Variants in PCLO observed in about 807,000 individuals in gnomAD.
PCLO encodes protein piccolo.
A neutral mutation model predicts 427.5 loss-of-function variants in PCLO; 82 were observed. The ratio of observed to expected loss-of-function variants is 0.19; its 90% CI spans 0.16 to 0.23. The LOEUF (loss-of-function observed/expected upper bound fraction) is 0.23. Ranked by LOEUF, PCLO falls within the 10% of genes least tolerant of loss-of-function variation. The probability of loss-of-function intolerance (pLI) is 1.00; values close to 1 mark genes in which losing one functional copy is unlikely to be tolerated. For missense variants in PCLO, 6,239 were observed against 6,115.9 expected (o/e 1.02, Z -0.67); for synonymous variants, 2,357 against 2,155.4 (o/e 1.09, Z -2.59).
intron 10 of PCLO, among the ~76,000 whole-genome samples, chr7:82,867,516 T>C (rs1204307540): frequency 1.3e-5 from 2 of 152,136 alleles, no homozygotes; most frequent in African/African-American, 4.8e-5. Flanking sequence ...GTGGAAGATC[T>C]GGTATGGATA....
intron 10 of PCLO, among the ~76,000 whole-genome samples, chr7:82,855,432 C>T (rs1314701622): frequency 6.6e-6 from 1 of 152,136 alleles, no homozygotes; most frequent in Non-Finnish European, 1.5e-5. Context: ...ACTAAGCCTA[C>T]ATGCTAGCCT....
At chr7:83,057,348 ATTTTTTTTTTT>A (rs1199445166) in intron 3 of PCLO, among the ~76,000 whole-genome samples, 2 of 19,626 alleles carry the variant, frequency 1.0e-4, no homozygotes, top group African/African-American at 3.4e-4. Context: ...ATATATATAT[ATTTTTTTTTTT>A]TTTTTTTTTT....
At chr7:82,940,567 C>G (rs988963931) in intron 6 of PCLO, among the ~76,000 whole-genome samples, 1 of 151,954 alleles carries the variant, frequency 6.6e-6, no homozygotes, top group Non-Finnish European at 1.5e-5. Flanking sequence ...GAGGGAATGG[C>G]GAGGATAATC....
chr7:83,108,055 A>G (rs1476311346), intron 3 of PCLO, among the ~76,000 whole-genome samples: 2 of 151,360 alleles, frequency 1.3e-5, no homozygotes, highest in Non-Finnish European at 3.0e-5. Flanking sequence ...AAATTATAAT[A>G]GTTTTTAAAT....
chr7:83,111,474 A>C (rs1156688865), intron 3 of PCLO, among the ~76,000 whole-genome samples: 1 of 152,254 alleles, frequency 6.6e-6, no homozygotes, highest in Non-Finnish European at 1.5e-5. Flanking sequence ...TTTAGTGTGA[A>C]AAGGATCTTA....
intron 6 of PCLO, among the ~76,000 whole-genome samples, chr7:82,943,237 G>T (rs1313089092): frequency 6.6e-6 from 1 of 152,020 alleles, no homozygotes; most frequent in African/African-American, 2.4e-5. Flanking sequence ...TTAAACACTA[G>T]AACAAAAAGA....
At chr7:83,159,707 G>T (rs992943208) in intron 1 of PCLO, among the ~76,000 whole-genome samples, 4 of 151,884 alleles carry the variant, frequency 2.6e-5, no homozygotes, top group Admixed American at 2.6e-4. Context: ...TTCATAAATG[G>T]AACACAACAA....
chr7:82,959,213 T>C (rs1048260635), intron 4 of PCLO, among the ~76,000 whole-genome samples: 13 of 152,044 alleles, frequency 8.6e-5, no homozygotes, highest in African/African-American at 2.9e-4. Flanking sequence ...ATTACAGGCA[T>C]GTGCCACCAC....
intron 3 of PCLO, among the ~76,000 whole-genome samples, chr7:83,050,225 A>AAAAAAAAAAAAAAAAAAAC (rs1789205721): frequency 8.1e-6 from 1 of 123,776 alleles, no homozygotes; most frequent in Non-Finnish European, 1.7e-5. Context: ...AAAAAAAAAA[A>AAAAAAAAAAAAAAAAAAAC]AAAAAAAAAA....
rs553260404 is a variant in PCLO, at chr7:82,999,445, T to C, written c.3301-32958A>G. Among the ~76,000 whole-genome samples, 736 of 117,084 alleles carry C rather than the reference T, an allele frequency of 6.3e-3. 9 individuals carry two copies. Among genetic ancestry groups the C allele is most frequent in the African/African-American group, 0.022 (661 of 29,942 alleles). The allele number at this position is 117,084 out of a possible 152,430, so 76.8% of individuals were successfully genotyped here. The stretch of plus-strand genomic sequence containing the variant: ...TATTATATATTTTATTATATATTAT[T>C]CCATTATATAAAATATATAATATAT... On this transcript the variant is annotated intron_variant, in intron 3 of 24. Coordinates refer to ENST00000333891, the MANE Select transcript of PCLO (RefSeq NM_033026.6).
In PCLO at chr7:83,050,904, ACTCT is replaced by A. The variant is rs1418343216; in HGVS notation, c.3300+83342_3300+83345del. On this transcript the variant is annotated intron_variant, in intron 3 of 24. Transcript: ENST00000333891. ...CTCCAGCCTGGGCGACAAGAGTGAA[ACTCT>A]CTCTCTCTCCAAAAAAAAATTAATG... 7.9e-5 allele frequency among the ~76,000 whole-genome samples: 12 copies of A among 151,698 alleles called. 1 individual carries two copies. In the East Asian group the frequency reaches 2.1e-3, roughly 27 times the overall value.
At chr7:82,861,306 T>A (rs1481897618) in intron 10 of PCLO, among the ~76,000 whole-genome samples, 4 of 151,824 alleles carry the variant, frequency 2.6e-5, no homozygotes, top group Non-Finnish European at 5.9e-5. Flanking sequence ...ACCTAGAAAT[T>A]AATAACAGGA....
intron 2 of PCLO, among the ~76,000 whole-genome samples, chr7:83,141,311 T>C: frequency 6.6e-6 from 1 of 152,230 alleles, no homozygotes; most frequent in East Asian, 1.9e-4. Context: ...AAGCCTGAAC[T>C]TTTCCTAAAT....
At chr7:83,045,077 T>A (rs1316803244) in intron 3 of PCLO, among the ~76,000 whole-genome samples, 1 of 152,180 alleles carries the variant, frequency 6.6e-6, no homozygotes, top group Middle Eastern at 3.2e-3. Flanking sequence ...ACATTTCATC[T>A]GATTAGGCCC....
intron 3 of PCLO, among the ~76,000 whole-genome samples, chr7:83,115,544 C>A (rs1359066786): frequency 7.9e-5 from 12 of 152,120 alleles, no homozygotes; most frequent in Non-Finnish European, 1.5e-5. Flanking sequence ...TTTAAACGAA[C>A]ATCTCTTCTT....
intron 20 of PCLO, among the ~76,000 whole-genome samples, chr7:82,818,546 C>T (rs184819466): frequency 1.3e-5 from 2 of 152,182 alleles, no homozygotes; most frequent in Admixed American, 6.6e-5. Context: ...TACCTCTAAT[C>T]GTTTGTAAGA....
intron 23 of PCLO, among the ~76,000 whole-genome samples, chr7:82,761,157 C>A (rs1393650965): frequency 6.6e-6 from 1 of 151,290 alleles, no homozygotes; most frequent in Admixed American, 6.6e-5. Context: ...CTTCTGTTGG[C>A]TAATGAATAT....
intron 20 of PCLO, among the ~76,000 whole-genome samples, chr7:82,810,450 T>C (rs969279909): frequency 2.4e-5 from 3 of 123,582 alleles, no homozygotes; most frequent in Non-Finnish European, 5.7e-5. Flanking sequence ...CTTAAGTGTA[T>C]TACTAAGTAC....
At chr7:82,780,326 A>C (rs1790845452) in intron 22 of PCLO, among the ~76,000 whole-genome samples, 1 of 152,212 alleles carries the variant, frequency 6.6e-6, no homozygotes. Context: ...TTAGTAATCT[A>C]TCTTAAACGA....
Sources: gnomAD v4.1 joint callset for allele counts (sites outside exome capture counted in the v4.1 genomes callset) on GRCh38, gnomAD v4.1.1 for gene constraint, MANE v1.5 for transcripts, NCBI Gene and HGNC (gene_info 2026-07-23, HGNC 2026-07-21) for gene names.